SYNE1: variants seen among roughly 807,000 people sequenced by gnomAD.
SYNE1 encodes spectrin repeat containing nuclear envelope protein 1.
SYNE1 carries 616 observed loss-of-function variants against 1,111.0 expected under a neutral mutation model. The ratio of observed to expected loss-of-function variants is 0.55; its 90% confidence interval spans 0.52 to 0.59. The LOEUF (loss-of-function observed/expected upper bound fraction) is 0.59. SYNE1 is among the 20% of genes least tolerant of loss of function. The pLI is 0.00. For synonymous variants in SYNE1, 3,855 were observed against 3,825.8 expected, an observed-to-expected ratio of 1.01 and a Z score of -0.28; for missense variants, 10,006 against 10,417.0, an observed-to-expected ratio of 0.96 and a Z score of 1.72.
At position 152,605,793 on chromosome 6, in the gene SYNE1, A is replaced by C. The variant is rs183788085; in HGVS notation, c.67+22472T>G. 5.2e-3 allele frequency among the ~76,000 whole-genome samples: 789 copies of C among 152,322 alleles called. 11 individuals are homozygous for C. Among genetic ancestry groups the C allele is most frequent in the Non-Finnish European group, 6.7e-3 (457 of 68,034 alleles). On this transcript the variant is annotated intron_variant, in intron 3 of 145. Coordinates refer to ENST00000367255, the MANE Select transcript of SYNE1 (RefSeq NM_182961.4). Reference sequence around the variant, plus strand: ...TAAAGGTATTTTTATAGCTGTGATTAAGGCTTGGTGTTTTTGCTAATTTAA... The same window carrying C: ...TAAAGGTATTTTTATAGCTGTGATTCAGGCTTGGTGTTTTTGCTAATTTAA...
chr6:152,336,632 G>T lies in SYNE1; in HGVS notation c.12528+209C>A, dbSNP rs955728876. The T allele has an allele frequency of 2.2e-4, 143 of 640,826 alleles. No individual in the cohort carries two copies. In the Admixed American group the frequency reaches 3.2e-3, roughly 14 times the overall value. The allele number at this position is 640,826 out of a possible 1,614,324, so 39.7% of individuals were successfully genotyped here. The stretch of plus-strand genomic sequence containing the variant: ...GGAGTTCAGGCATTAATGCTTGCTC[G>T]CCTCCCACTGTGCGGCCAGGTTCCT... On this transcript the variant is annotated intron_variant, in intron 76 of 145. Coordinates refer to ENST00000367255, the MANE Select transcript of SYNE1 (RefSeq NM_182961.4).
At chr6:152,277,347 G>A (rs1200690850) in intron 98 of SYNE1, among the ~76,000 whole-genome samples, 2 of 130,954 alleles carry the variant, frequency 1.5e-5, no homozygotes, top group Non-Finnish European at 3.1e-5. Context: ...ATATAATCTC[G>A]GCTCACTGAA....
At chr6:152,438,279 A>C (rs573159504) in intron 32 of SYNE1, among the ~76,000 whole-genome samples, 1 of 152,336 alleles carries the variant, frequency 6.6e-6, no homozygotes, top group South Asian at 2.1e-4. Context: ...AGTGAAAAAT[A>C]AAGTGTTTTA....
Position 152,308,626 on chromosome 6 carries a change from C to G in SYNE1, c.17209G>C (p.Val5737Leu). ...TGCTCATATTGTTCATATTGTACCA[C>G]AGCTTCCTTTGAAAAAAAAAAAAAA... ...IQQCNIMQEAVVQYEQYEQEM... is the reference protein window; with the variant it reads ...IQQCNIMQEALVQYEQYEQEM... The change falls in exon 91 of 146, where the codon GTG (valine) becomes CTG (leucine). Residue 5737 changes from valine (V) to leucine (L), a missense_variant. Physicochemically the swap from Val to Leu is conservative, Grantham distance 32. This residue lies in a region of SYNE1 where 4,955 missense variants were observed against 5,017.2 expected (regional missense o/e 0.99). Transcript: ENST00000367255. 2 of 1,567,370 alleles carry G rather than the reference C, an allele frequency of 1.3e-6. No homozygotes were observed. The highest frequency in any genetic ancestry group is 1.7e-6 in the Non-Finnish European group (2 of 1,162,270).
At chr6:152,432,301 GT>G (rs1283126826) in intron 34 of SYNE1, among the ~76,000 whole-genome samples, 1 of 152,012 alleles carries the variant, frequency 6.6e-6, no homozygotes, top group Non-Finnish European at 1.5e-5. Flanking sequence ...TATTACAAGT[GT>G]TACTATATTT....
chr6:152,555,965 G>T (rs759604316), intron 3 of SYNE1, among the ~76,000 whole-genome samples: 2 of 152,188 alleles, frequency 1.3e-5, no homozygotes, highest in Admixed American at 6.5e-5. Context: ...AGTCACTGAA[G>T]AGAAACTGCT....
intron 34 of SYNE1, chr6:152,433,418 G>C (rs2098447000): frequency 3.9e-6 from 1 of 254,132 alleles, no homozygotes; most frequent in Non-Finnish European, 7.7e-6. Context: ...ACTTGAACTA[G>C]ACATTGGGAA....
intron 91 of SYNE1, among the ~76,000 whole-genome samples, chr6:152,307,894 G>A (rs748344432): frequency 3.3e-5 from 5 of 152,082 alleles, no homozygotes; most frequent in Admixed American, 1.3e-4. Flanking sequence ...GTGCAGTGGC[G>A]CGATCTTGGC....
chr6:152,381,411 G>C, intron 55 of SYNE1, 49 bp from the exon 56 acceptor site: 1 of 1,588,536 alleles, frequency 6.3e-7, no homozygotes, highest in Non-Finnish European at 8.6e-7. Context: ...GAGTCACTTG[G>C]ACTGCAAGTT....
At chr6:152,596,266 G>GTTTTT (rs1480694776) in intron 3 of SYNE1, among the ~76,000 whole-genome samples, 29 of 118,722 alleles carry the variant, frequency 2.4e-4, no homozygotes, top group African/African-American at 1.1e-3. Flanking sequence ...TTTTTTGTTT[G>GTTTTT]TTTGTTTTTT....
At chr6:152,419,491 G>A (rs2098219214) in intron 40 of SYNE1, 78 bp downstream of exon 40, 3 of 1,397,196 alleles carry the variant, frequency 2.1e-6, no homozygotes, top group Non-Finnish European at 2.9e-6. Flanking sequence ...TTTTTAAAAT[G>A]TTGCATCTCT....
Position 152,330,843 on chromosome 6 carries a change from T to C in SYNE1, c.13842A>G (p.Glu4614=), listed in dbSNP as rs763026083. Residue 4614 remains glutamate (E), a synonymous_variant, in exon 78 of 146, where the codon GAA becomes GAG. Coordinates refer to ENST00000367255, the MANE Select transcript of SYNE1 (RefSeq NM_182961.4). ...KYQNILEQSP[E]YENLLLTLQR... is the part of the protein sequence containing the mutation. ...GCAGCGTAAGTAGAAGATTTTCATATTCTGGAGATTGTTCAAGAATGTTTT... is the reference window on the plus strand; with the variant it reads ...GCAGCGTAAGTAGAAGATTTTCATACTCTGGAGATTGTTCAAGAATGTTTT... The C allele has an allele frequency of 1.4e-5, 23 of 1,614,030 alleles. No individual in the cohort carries two copies. Among genetic ancestry groups the C allele is most frequent in the South Asian group, 4.4e-5 (4 of 91,088 alleles).
At chr6:152,270,607 C>T in intron 98 of SYNE1, among the ~76,000 whole-genome samples, 1 of 152,322 alleles carries the variant, frequency 6.6e-6, no homozygotes, top group East Asian at 1.9e-4. Context: ...ATAGATTCAT[C>T]TGTCAAAGGA....
At chr6:152,231,011 C>T (rs986521121) in intron 114 of SYNE1, among the ~76,000 whole-genome samples, 2 of 151,982 alleles carry the variant, frequency 1.3e-5, no homozygotes, top group African/African-American at 2.4e-5. Flanking sequence ...TGTTGGGCTG[C>T]ATTCAAGGCC....
At chr6:152,139,816 C>T (rs1006551779) in intron 140 of SYNE1, 134 bp downstream of exon 140, 1 of 853,246 alleles carries the variant, frequency 1.2e-6, no homozygotes, top group Non-Finnish European at 1.9e-6. Context: ...GTGAGGAGAG[C>T]ATTCTCACTC....
At chr6:152,548,566 C>T (rs1205451245) in intron 3 of SYNE1, among the ~76,000 whole-genome samples, 2 of 152,174 alleles carry the variant, frequency 1.3e-5, no homozygotes, top group African/African-American at 4.8e-5. Flanking sequence ...AGAAATTTCA[C>T]CTGAGGAACC....
intron 57 of SYNE1, 69 bp from the exon 58 acceptor site, chr6:152,376,627 G>C: frequency 6.3e-7 from 1 of 1,588,150 alleles, no homozygotes; most frequent in Non-Finnish European, 8.6e-7. Flanking sequence ...ATGTTTGATA[G>C]AATCACCAGT....
chr6:152,381,403 G>A (rs769217696), intron 55 of SYNE1, 41 bp from the exon 56 acceptor site: 2 of 1,600,168 alleles, frequency 1.2e-6, no homozygotes, highest in Non-Finnish European at 1.7e-6. Flanking sequence ...GAGCCTGTGA[G>A]TCACTTGGAC....
At chr6:152,135,038 T>A in intron 142 of SYNE1, 66 bp downstream of exon 142, 1 of 1,609,634 alleles carries the variant, frequency 6.2e-7, no homozygotes, top group Non-Finnish European at 8.5e-7. Flanking sequence ...CTTATATTCA[T>A]TTTCTGTAAA....
Sources: gnomAD v4.1 joint callset for allele counts (sites outside exome capture counted in the v4.1 genomes callset) on GRCh38, gnomAD v4.1.1 for gene constraint, gnomAD v4.1.1 regional missense constraint, MANE v1.5 for transcripts, NCBI Gene and HGNC (gene_info 2026-07-23, HGNC 2026-07-21) for gene names.